The following DMXL1 variants were observed in gnomAD, a reference collection of about 807,000 sequenced individuals.
DMXL1 encodes the protein dmX-like protein 1.
DMXL1 carries 99 observed loss-of-function variants against 319.2 expected under a neutral mutation model. The ratio of observed to expected loss-of-function variants is 0.31; its 90% CI spans 0.26 to 0.37. DMXL1 has a LOEUF of 0.37. Among genes scored for constraint, DMXL1 ranks in the 10% least tolerant of loss-of-function variants. The probability of loss-of-function intolerance (pLI) is 1.00; values close to 1 mark genes in which losing one functional copy is unlikely to be tolerated. For missense variants in DMXL1, 3,745 were observed against 3,595.6 expected, an observed-to-expected ratio of 1.04 and a Z score of -1.06; for synonymous variants, 1,385 against 1,235.2, an observed-to-expected ratio of 1.12 and a Z score of -2.54.
chr5:119,210,050 TC>T (rs1439499057), intron 34 of DMXL1, among the ~76,000 whole-genome samples: 4 of 152,154 alleles, frequency 2.6e-5, no homozygotes, highest in African/African-American at 9.6e-5. Flanking sequence ...CTCACTGCAA[TC>T]TCCACCTCCT....
intron 13 of DMXL1, among the ~76,000 whole-genome samples, chr5:119,135,509 G>A (rs903397972): frequency 2.6e-5 from 4 of 152,146 alleles, no homozygotes; most frequent in East Asian, 1.9e-4. Context: ...TCCCAAGGCC[G>A]GAGCATGTTT....
intron 2 of DMXL1, among the ~76,000 whole-genome samples, chr5:119,100,265 C>G (rs1440371817): frequency 2.0e-5 from 3 of 151,248 alleles, no homozygotes; most frequent in Non-Finnish European, 4.4e-5. Context: ...CCCGTCTCTA[C>G]TACAAAATAA....
At chr5:119,121,905 G>T in intron 9 of DMXL1, among the ~76,000 whole-genome samples, 1 of 137,318 alleles carries the variant, frequency 7.3e-6, no homozygotes, top group East Asian at 2.1e-4. Flanking sequence ...CTGGCCGGGC[G>T]GGGGGCTGAC....
chr5:119,134,871 C>A (rs1765654547), intron 13 of DMXL1, among the ~76,000 whole-genome samples: 1 of 152,342 alleles, frequency 6.6e-6, no homozygotes, highest in East Asian at 1.9e-4. Flanking sequence ...TAACAACCTT[C>A]TAACTGCATT....
chr5:119,115,428 T>A (rs977046119), intron 6 of DMXL1, among the ~76,000 whole-genome samples: 2 of 152,226 alleles, frequency 1.3e-5, no homozygotes, highest in Non-Finnish European at 2.9e-5. Context: ...TATTCATTGG[T>A]TCATAGAGCA....
rs537796058 is a variant in DMXL1 at position 119,123,160 on chromosome 5, A to G, written c.1102+2021A>G. 3.3e-5 allele frequency among the ~76,000 whole-genome samples: 5 copies of G among 152,076 alleles called. No homozygotes were observed. The South Asian group carries it at 1.0e-3, about 32-fold the overall frequency. On this transcript the variant is annotated intron_variant, in intron 9 of 43. Coordinates refer to ENST00000539542, the MANE Select transcript of DMXL1 (RefSeq NM_001290321.3). ...CACCAAAAAAATACGAAAACCAGTCAGGCGTAGCGGCGCGCGCCTGCAATC... is the reference window on the plus strand; with the variant it reads ...CACCAAAAAAATACGAAAACCAGTCGGGCGTAGCGGCGCGCGCCTGCAATC...
At chr5:119,193,282 A>G (rs1358378223) in intron 29 of DMXL1, among the ~76,000 whole-genome samples, 1 of 152,100 alleles carries the variant, frequency 6.6e-6, no homozygotes, top group Non-Finnish European at 1.5e-5. Context: ...TTTTTTGCTT[A>G]GCAGACTTGA....
intron 3 of DMXL1, among the ~76,000 whole-genome samples, chr5:119,103,306 T>A (rs1469596015): frequency 6.6e-6 from 1 of 152,240 alleles, no homozygotes; most frequent in African/African-American, 2.4e-5. Context: ...AGGACTAAAC[T>A]GTTTTAATAG....
At chr5:119,237,446 T>C in intron 40 of DMXL1, 32 bp downstream of exon 40, 1 of 1,383,454 alleles carries the variant, frequency 7.2e-7, no homozygotes, top group East Asian at 2.3e-5. Flanking sequence ...TTAAATAAAA[T>C]TTGAATTTTC....
chr5:119,112,428 G>T (rs1213744107), intron 5 of DMXL1, among the ~76,000 whole-genome samples: 1 of 152,124 alleles, frequency 6.6e-6, no homozygotes, highest in Non-Finnish European at 1.5e-5. Context: ...GAACAGATAG[G>T]GGTAGATAGA....
chr5:119,224,216 A>G (rs1157966162), intron 37 of DMXL1, among the ~76,000 whole-genome samples: 1 of 152,122 alleles, frequency 6.6e-6, no homozygotes, highest in East Asian at 1.9e-4. Context: ...TGCTATATAA[A>G]TTGGAAATGT....
chr5:119,171,832 C>T lies in DMXL1; in HGVS notation c.6544C>T (p.Leu2182Phe). 6.2e-7 allele frequency: 1 copy of T among 1,613,868 alleles called. No homozygotes were observed. The highest frequency in any genetic ancestry group is 8.5e-7 in the Non-Finnish European group (1 of 1,179,860). Residue 2182 changes from leucine (L) to phenylalanine (F), a missense_variant, in exon 25 of 44, where the codon CTC (leucine) becomes TTC (phenylalanine). By Grantham distance (22) the Leu-to-Phe change is conservative. Around this residue, in one of 4 missense-constraint regions of DMXL1, gnomAD observed 1,382 missense variants for 1,269.5 expected, o/e 1.09. Coordinates refer to ENST00000539542, the MANE Select transcript of DMXL1 (RefSeq NM_001290321.3). ...SPLSEQTSVP[L>F]LFACTANAKT... ...TCTGTCAGAGCAAACCTCAGTGCCTCTCCTCTTTGCTTGTACAGCCAATGC... is the reference window on the plus strand; with the variant it reads ...TCTGTCAGAGCAAACCTCAGTGCCTTTCCTCTTTGCTTGTACAGCCAATGC...
chr5:119,237,691 CTAACCT>C, intron 40 of DMXL1, among the ~76,000 whole-genome samples: 3 of 152,106 alleles, frequency 2.0e-5, no homozygotes, highest in Admixed American at 2.0e-4. Context: ...GAGCCCTTTT[CTAACCT>C]CACTAAACTG....
Position 119,171,111 on chromosome 5 carries a change from C to G in DMXL1, c.6320C>G (p.Thr2107Arg), listed in dbSNP as rs1774458348. Reference protein sequence around the residue: ...NEDAEDLPHQTKVKQLRENFQ... With the variant: ...NEDAEDLPHQRKVKQLRENFQ... Reference sequence around the variant, plus strand: ...GATGCTGAAGATTTGCCTCACCAAACAAAAGTGAAACAACTGAGAGAAAAT... The same window carrying G: ...GATGCTGAAGATTTGCCTCACCAAAGAAAAGTGAAACAACTGAGAGAAAAT... The change falls in exon 24 of 44, where the codon ACA (threonine) becomes AGA (arginine). Residue 2107 changes from threonine to arginine, a missense_variant. Transcript: ENST00000539542. 1 of 1,613,808 alleles carries G rather than the reference C, an allele frequency of 6.2e-7. No homozygotes were observed.
At chr5:119,240,275 T>G (rs1013269810) in intron 41 of DMXL1, 144 bp from the exon 42 acceptor site, 9 of 523,266 alleles carry the variant, frequency 1.7e-5, no homozygotes, top group South Asian at 3.3e-5. Flanking sequence ...TCATATAAAT[T>G]TGTTGGTTAC....
Position 119,146,830 on chromosome 5 carries a change from C to G in DMXL1, c.2570-7C>G. 6.2e-7 allele frequency: 1 copy of G among 1,608,638 alleles called. No individual in the cohort carries two copies. On this transcript the variant is annotated splice_polypyrimidine_tract_variant and splice_region_variant and intron_variant, in intron 15 of 43. Coordinates refer to ENST00000539542, the MANE Select transcript of DMXL1 (RefSeq NM_001290321.3). ...GTAACAGTGAAAAATATCATTAATACCAACAGGCAGCTCACCTAATGGATT... is the reference window on the plus strand; with the variant it reads ...GTAACAGTGAAAAATATCATTAATAGCAACAGGCAGCTCACCTAATGGATT...
Position 119,150,191 on chromosome 5 carries a change from A to T in DMXL1, c.4364A>T (p.Asp1455Val). 1.2e-6 allele frequency: 2 copies of T among 1,613,836 alleles called. No individual in the cohort carries two copies. The highest frequency in any genetic ancestry group is 1.7e-6 in the Non-Finnish European group (2 of 1,179,832). ...ELFQTQLLMT[D>V]THMLETDEEN... ...TTTCAGACTCAACTTCTAATGACTG[A>T]TACTCATATGTTAGAGACAGATGAA... Residue 1455 changes from aspartate to valine, a missense_variant, in exon 18 of 44, where the codon GAT becomes GTT. Asp to Val is a radical substitution (Grantham distance 152, BLOSUM62 -3). Around this residue, in one of 4 missense-constraint regions of DMXL1, gnomAD observed 2,096 missense variants for 1,985.4 expected, o/e 1.06. Transcript: ENST00000539542.
intron 1 of DMXL1, among the ~76,000 whole-genome samples, chr5:119,077,935 A>T (rs745923727): frequency 1.3e-5 from 2 of 150,278 alleles, no homozygotes; most frequent in Non-Finnish European, 3.0e-5. Context: ...GGGTCTCTCC[A>T]TGTAACCCAG....
At chr5:119,177,598 G>GAT (rs1243974742) in intron 27 of DMXL1, 114 bp downstream of exon 27, 1 of 850,446 alleles carries the variant, frequency 1.2e-6, no homozygotes, top group African/African-American at 1.7e-5. Flanking sequence ...TGTTAGAATT[G>GAT]ATACCAGTTA....
Sources: gnomAD v4.1 joint callset for allele counts (sites outside exome capture counted in the v4.1 genomes callset) on GRCh38, gnomAD v4.1.1 for gene constraint, gnomAD v4.1.1 regional missense constraint, MANE v1.5 for transcripts, NCBI Gene and HGNC (gene_info 2026-07-23, HGNC 2026-07-21) for gene names.